MYO16: variants seen among roughly 807,000 people sequenced by gnomAD.
MYO16 encodes unconventional myosin-XVI.
Under a neutral mutation model 205.3 loss-of-function variants are expected in MYO16, and 94 were observed. The ratio of observed to expected loss-of-function variants is 0.46; its 90% CI spans 0.39 to 0.54. MYO16 has a LOEUF of 0.54. Among genes scored for constraint, MYO16 ranks in the 20% least tolerant of loss-of-function variants. The pLI is 0.00. For synonymous variants in MYO16, 988 were observed against 954.0 expected (o/e 1.04, Z -0.66); for missense variants, 2,315 against 2,387.5 (o/e 0.97, Z 0.63).
chr13:108,698,221 A>C (rs1883164220), intron 2 of MYO16, among the ~76,000 whole-genome samples: 1 of 152,190 alleles, frequency 6.6e-6, no homozygotes, highest in Non-Finnish European at 1.5e-5. Context: ...AGGTCCACTC[A>C]GTGGTATTCA....
chr13:108,867,894 A>G (rs574172107), intron 12 of MYO16, among the ~76,000 whole-genome samples: 9 of 152,286 alleles, frequency 5.9e-5, no homozygotes, highest in African/African-American at 2.2e-4. Context: ...TGAACTTTAT[A>G]TGGGTGAAAT....
At chr13:108,860,949 A>T (rs1012357875) in intron 11 of MYO16, among the ~76,000 whole-genome samples, 4 of 152,356 alleles carry the variant, frequency 2.6e-5, no homozygotes, top group Middle Eastern at 6.8e-3. Context: ...TCTGGAATTT[A>T]ACAGGAGTTT....
At chr13:108,616,309 G>A (rs1879347683) in intron 1 of MYO16, among the ~76,000 whole-genome samples, 1 of 152,140 alleles carries the variant, frequency 6.6e-6, no homozygotes, top group Non-Finnish European at 1.5e-5. Context: ...TTGTGCCTAA[G>A]TACAAAACAA....
intron 31 of MYO16, among the ~76,000 whole-genome samples, chr13:109,130,523 T>A (rs1876483959): frequency 1.3e-5 from 2 of 152,270 alleles, no homozygotes; most frequent in Admixed American, 1.3e-4. Flanking sequence ...TTAACCAGCT[T>A]AAGCTGCTTG....
intron 2 of MYO16, among the ~76,000 whole-genome samples, chr13:108,680,381 A>G (rs1882412080): frequency 6.6e-6 from 1 of 152,218 alleles, no homozygotes; most frequent in South Asian, 2.1e-4. Context: ...ATGCAAAATA[A>G]ATGAGTTTTT....
At chr13:108,516,655 C>G in the MYO16 span, among the ~76,000 whole-genome samples, 58 of 152,298 alleles carry the variant, frequency 3.8e-4, no homozygotes, top group African/African-American at 1.2e-3. Flanking sequence ...TTCCACCATC[C>G]AGCACCCTTA....
chr13:108,848,947 C>CA (rs1877668639), intron 10 of MYO16, among the ~76,000 whole-genome samples: 1 of 152,142 alleles, frequency 6.6e-6, no homozygotes, highest in Non-Finnish European at 1.5e-5. Context: ...CACAGAGACA[C>CA]AAGCACATGT....
chr13:108,968,681 G>C (rs1249435723), intron 20 of MYO16, among the ~76,000 whole-genome samples: 1 of 152,112 alleles, frequency 6.6e-6, no homozygotes, highest in African/African-American at 2.4e-5. Flanking sequence ...ATAGCAATTT[G>C]ATGAGTGACA....
intron 22 of MYO16, among the ~76,000 whole-genome samples, chr13:109,012,491 C>A (rs969095449): frequency 6.6e-6 from 1 of 152,130 alleles, no homozygotes; most frequent in African/African-American, 2.4e-5. Flanking sequence ...GTGACTGTAT[C>A]ATTGTTTCAT....
the MYO16 span, among the ~76,000 whole-genome samples, chr13:108,520,594 C>T: frequency 6.6e-6 from 1 of 151,968 alleles, no homozygotes; most frequent in African/African-American, 2.4e-5. Context: ...AGGAGAAAAT[C>T]GGTTAGTAAA....
At chr13:109,038,339 G>A (rs1886778302) in intron 23 of MYO16, among the ~76,000 whole-genome samples, 1 of 152,066 alleles carries the variant, frequency 6.6e-6, no homozygotes, top group African/African-American at 2.4e-5. Flanking sequence ...TGGGTGGGTG[G>A]GCACCACCTA....
chr13:108,783,435 A>G (rs1043709498), intron 4 of MYO16, among the ~76,000 whole-genome samples: 1 of 152,232 alleles, frequency 6.6e-6, no homozygotes, highest in Non-Finnish European at 1.5e-5. Flanking sequence ...TTACAGGCTC[A>G]TAGGCAGAAG....
At chr13:109,187,380 G>A (rs905011703) in intron 34 of MYO16, among the ~76,000 whole-genome samples, 3 of 151,870 alleles carry the variant, frequency 2.0e-5, no homozygotes, top group African/African-American at 7.3e-5. Context: ...ATTGATTCCT[G>A]TTGTTTTTTA....
intron 27 of MYO16, among the ~76,000 whole-genome samples, chr13:109,093,395 G>A (rs1054322111): frequency 3.3e-5 from 5 of 152,112 alleles, no homozygotes; most frequent in Non-Finnish European, 2.9e-5. Context: ...GAGGTGTATG[G>A]CAGTAAAGAG....
the MYO16 span, among the ~76,000 whole-genome samples, chr13:108,525,534 A>G: frequency 6.6e-6 from 1 of 151,932 alleles, no homozygotes; most frequent in East Asian, 1.9e-4. Flanking sequence ...AGCACACACT[A>G]CCCCCCAGTT....
the MYO16 span, among the ~76,000 whole-genome samples, chr13:108,507,605 AT>A: frequency 6.6e-6 from 1 of 151,976 alleles, no homozygotes; most frequent in Non-Finnish European, 1.5e-5. Flanking sequence ...GTCATTTTGG[AT>A]TTATCAGAGT....
At chr13:109,204,062 C>T (rs1364396884) in intron 34 of MYO16, among the ~76,000 whole-genome samples, 3 of 152,176 alleles carry the variant, frequency 2.0e-5, no homozygotes, top group African/African-American at 7.2e-5. Context: ...ATTATCTGTT[C>T]ACCTCAAAAA....
At chr13:109,082,985 C>T (rs1470084761) in intron 27 of MYO16, among the ~76,000 whole-genome samples, 1 of 151,910 alleles carries the variant, frequency 6.6e-6, no homozygotes, top group African/African-American at 2.4e-5. Flanking sequence ...TTGAATATCA[C>T]CAGAATATGG....
chr13:108,987,214 G>C lies in MYO16; in HGVS notation c.2370-5162G>C, dbSNP rs9583315. Among the ~76,000 whole-genome samples, 313 of 152,318 alleles carry C rather than the reference G, an allele frequency of 2.1e-3. 3 individuals carry two copies. The highest frequency in any genetic ancestry group is 7.3e-3 in the African/African-American group (305 of 41,574). Reference sequence around the variant, plus strand: ...TACAATACCATATAGAATAGAGAAGGCCGGACGGCCTCTCTGGTTACTCCC... The same window carrying C: ...TACAATACCATATAGAATAGAGAAGCCCGGACGGCCTCTCTGGTTACTCCC... On this transcript the variant is annotated intron_variant, in intron 20 of 34. Coordinates refer to ENST00000457511, the MANE Select transcript of MYO16 (RefSeq NM_001198950.3).
Sources: allele counts gnomAD v4.1 joint callset (sites outside exome capture counted in the v4.1 genomes callset), GRCh38; gene constraint gnomAD v4.1.1; transcripts MANE v1.5; gene names NCBI Gene and HGNC (gene_info 2026-07-23, HGNC 2026-07-21).